Variants in TAPT1 observed in about 807,000 individuals in gnomAD.
The protein encoded by TAPT1 is transmembrane anterior posterior transformation protein 1 homolog.
In TAPT1, 28 loss-of-function variants were observed where a neutral mutation model predicts 65.6. The observed-to-expected ratio is 0.43, with a 90% confidence interval of 0.32 to 0.59. TAPT1 has a LOEUF of 0.59. TAPT1 is among the 20% of genes least tolerant of loss of function. The pLI, the probability that TAPT1 is intolerant of heterozygous loss-of-function variation, is 0.09. For synonymous variants in TAPT1, 278 were observed against 245.2 expected, an observed-to-expected ratio of 1.13 and a Z score of -1.25; for missense variants, 563 against 679.9, an observed-to-expected ratio of 0.83 and a Z score of 1.91.
At chr4:16,221,254 T>C (rs538473160) in intron 1 of TAPT1, among the ~76,000 whole-genome samples, 1 of 152,038 alleles carries the variant, frequency 6.6e-6, no homozygotes, top group Non-Finnish European at 1.5e-5. Context: ...AGCCTCCAAG[T>C]AGCTGGGATT....
At chr4:16,166,833 CATCTAA>C (rs759415564) in intron 12 of TAPT1, 40 bp from the exon 13 acceptor site, 52 of 1,601,588 alleles carry the variant, frequency 3.2e-5, no homozygotes, top group Non-Finnish European at 4.0e-5. Context: ...CGTTGGAATT[CATCTAA>C]ATCCCTGTGA....
chr4:16,189,803 T>C (rs1749251299), intron 4 of TAPT1, among the ~76,000 whole-genome samples: 1 of 152,128 alleles, frequency 6.6e-6, no homozygotes, highest in South Asian at 2.1e-4. Flanking sequence ...CTAGTAACAA[T>C]AATAATACTA....
At chr4:16,221,591 C>G (rs925408715) in intron 1 of TAPT1, among the ~76,000 whole-genome samples, 17 of 151,694 alleles carry the variant, frequency 1.1e-4, no homozygotes, top group Admixed American at 3.3e-4. Context: ...GAAATAAGAA[C>G]CAAAGATTAA....
chr4:16,164,861 G>A (rs139288548), intron 13 of TAPT1, among the ~76,000 whole-genome samples: 11 of 152,252 alleles, frequency 7.2e-5, no homozygotes, highest in African/African-American at 2.2e-4. Context: ...TAATTTCCCA[G>A]TGATTATACA....
Position 16,163,535 on chromosome 4 carries a change from G to C in TAPT1, c.1477C>G (p.Leu493Val), listed in dbSNP as rs1270219564. Residue 493 changes from leucine to valine, a missense_variant and splice_region_variant, in exon 14 of 14, where the codon CTT (leucine) becomes GTT (valine). Physicochemically the swap from Leu to Val is conservative, Grantham distance 32 (BLOSUM62 1). Transcript: ENST00000405303. ...SQNKCKPSQG[L>V]STEENLSASI... ...GCAGACAGGTTTTCTTCTGTGGAAA[G>C]GCCTGTGATAAAATAGATCCATTAA... is the stretch of plus-strand genomic sequence containing the variant. 2.5e-6 allele frequency: 4 copies of C among 1,608,334 alleles called. No homozygotes were observed. The highest frequency in any genetic ancestry group is 1.1e-5 in the South Asian group (1 of 90,702).
At chr4:16,212,975 T>C (rs1011763300) in intron 2 of TAPT1, among the ~76,000 whole-genome samples, 2 of 152,310 alleles carry the variant, frequency 1.3e-5, no homozygotes, top group East Asian at 3.9e-4. Context: ...TACCAATAAA[T>C]CCAGCCAACC....
chr4:16,197,223 T>C (rs868413271), intron 3 of TAPT1, among the ~76,000 whole-genome samples: 1 of 152,224 alleles, frequency 6.6e-6, no homozygotes, highest in Non-Finnish European at 1.5e-5. Context: ...TGAAGCCTCA[T>C]GTGAGAGTTA....
At position 16,202,497 on chromosome 4, in the gene TAPT1, T is replaced by C. The variant is rs200130238; in HGVS notation, c.414A>G (p.Leu138=). 2.5e-5 allele frequency: 39 copies of C among 1,551,794 alleles called. No individual in the cohort carries two copies. The highest frequency in any genetic ancestry group is 3.3e-5 in the Non-Finnish European group (38 of 1,147,380). ...AGCAAGGCAAAGTGAGGAGCCTGAA[T>C]AGTGCCAGGAAAACTCTTAAAGGAA... ...TLLPLRVFLA[L]FRLLTLPCYG... is the part of the protein sequence containing the mutation. Residue 138 remains leucine (L), a synonymous_variant, in exon 3 of 14, where the codon CTA becomes CTG. Coordinates refer to ENST00000405303, the MANE Select transcript of TAPT1 (RefSeq NM_153365.3).
intron 1 of TAPT1, among the ~76,000 whole-genome samples, chr4:16,219,059 T>C (rs555076383): frequency 6.6e-6 from 1 of 152,292 alleles, no homozygotes; most frequent in Non-Finnish European, 1.5e-5. Context: ...AAACATAACC[T>C]ATTTTGAGTG....
At chr4:16,175,930 C>T (rs1454736477) in intron 9 of TAPT1, among the ~76,000 whole-genome samples, 189 bp downstream of exon 9, 1 of 152,112 alleles carries the variant, frequency 6.6e-6, no homozygotes, top group Non-Finnish European at 1.5e-5. Flanking sequence ...TATACTTCTA[C>T]CCCAAGAATA....
At chr4:16,204,131 G>A (rs34663238) in intron 2 of TAPT1, among the ~76,000 whole-genome samples, 38,108 of 151,982 alleles carry the variant, frequency 0.25, 5,636 homozygotes, top group East Asian at 0.33. Context: ...AAGCCTTTCC[G>A]TCCTTGCGAG....
chr4:16,192,368 C>T (rs1749427681), intron 3 of TAPT1, among the ~76,000 whole-genome samples: 1 of 152,168 alleles, frequency 6.6e-6, no homozygotes, highest in Non-Finnish European at 1.5e-5. Context: ...AACATCTTTC[C>T]ACATATTTAA....
In TAPT1 at chr4:16,161,923, T is replaced by C. The variant is rs1279090354; in HGVS notation, c.*1385A>G. ...ATCAAAACATCAAAGGAAATAACAG[T>C]TAACAGTACCATCTTCTGGACAGTT... On this transcript the variant is annotated 3_prime_UTR_variant, in exon 14 of 14. Transcript: ENST00000405303. 6.6e-6 allele frequency: 1 copy of C among 152,174 alleles called. No homozygotes were observed. Among genetic ancestry groups the C allele is most frequent in the Non-Finnish European group, 1.5e-5 (1 of 68,022 alleles). 9.4% of individuals were successfully genotyped at this position (152,174 alleles called of 1,614,324 possible).
intron 8 of TAPT1, among the ~76,000 whole-genome samples, chr4:16,178,070 C>T (rs1313031127): frequency 2.0e-5 from 3 of 152,162 alleles, no homozygotes; most frequent in Non-Finnish European, 4.4e-5. Context: ...TTGGGAATTG[C>T]TGATCTTACA....
At chr4:16,191,324 C>T in intron 4 of TAPT1, 37 bp downstream of exon 4, 1 of 1,563,174 alleles carries the variant, frequency 6.4e-7, no homozygotes, top group Non-Finnish European at 8.7e-7. Context: ...AGCTGAGTGC[C>T]CTGGCCAGGC....
chr4:16,195,260 T>C (rs935839210), intron 3 of TAPT1, among the ~76,000 whole-genome samples: 3 of 152,214 alleles, frequency 2.0e-5, no homozygotes, highest in African/African-American at 7.2e-5. Context: ...TGATAAGCAC[T>C]TCAAACTCCC....
chr4:16,213,933 C>T (rs1413758995), intron 1 of TAPT1, 35 bp from the exon 2 acceptor site: 1 of 1,565,488 alleles, frequency 6.4e-7, no homozygotes. Context: ...ACAAAAAGAA[C>T]AGTATTTATC....
intron 4 of TAPT1, chr4:16,189,978 A>G (rs1052129634): frequency 6.6e-6 from 1 of 152,332 alleles, no homozygotes; most frequent in Non-Finnish European, 1.5e-5. Context: ...TTCTATGAGA[A>G]GGAAGGGAGA....
At chr4:16,210,238 G>C (rs893996423) in intron 2 of TAPT1, among the ~76,000 whole-genome samples, 13 of 152,210 alleles carry the variant, frequency 8.5e-5, no homozygotes, top group Non-Finnish European at 1.8e-4. Flanking sequence ...AGAGGGCCAA[G>C]AGCCAGAAAA....
Sources: allele counts gnomAD v4.1 joint callset (sites outside exome capture counted in the v4.1 genomes callset), GRCh38; gene constraint gnomAD v4.1.1; transcripts MANE v1.5; gene names NCBI Gene and HGNC (gene_info 2026-07-23, HGNC 2026-07-21).